The following ADAMTS16 variants were observed in gnomAD, a reference collection of about 807,000 sequenced individuals.
ADAMTS16 encodes the protein ADAM metallopeptidase with thrombospondin type 1 motif 16.
A neutral mutation model predicts 145.8 loss-of-function variants in ADAMTS16; 94 were observed. The observed-to-expected ratio is 0.64, with a 90% CI of 0.55 to 0.77. The LOEUF (loss-of-function observed/expected upper bound fraction) is 0.77. Among genes scored for constraint, ADAMTS16 ranks in the 30% least tolerant of loss-of-function variants. ADAMTS16 has a pLI of 0.00. For missense variants in ADAMTS16, 1,585 were observed against 1,591.5 expected (o/e 1.00, Z 0.07); for synonymous variants, 659 against 604.3 (o/e 1.09, Z -1.33).
chr5:5,281,467 TTATAAG>T (rs1012539328), intron 18 of ADAMTS16, among the ~76,000 whole-genome samples: 21 of 152,340 alleles, frequency 1.4e-4, no homozygotes, highest in South Asian at 6.2e-4. Context: ...ATTAAAAACT[TTATAAG>T]TATATCATGT....
At chr5:5,216,833 A>G (rs1736453798) in intron 10 of ADAMTS16, among the ~76,000 whole-genome samples, 2 of 134,346 alleles carry the variant, frequency 1.5e-5, no homozygotes, top group African/African-American at 2.9e-5. Context: ...TTCAATTCCC[A>G]CCTATGAGTG....
chr5:5,306,684 G>C lies in ADAMTS16; in HGVS notation c.3367G>C (p.Ala1123Pro), dbSNP rs1207923475. Residue 1123 changes from alanine (A) to proline (P), a missense_variant, in exon 21 of 23, where the codon GCG (alanine) becomes CCG (proline). Coordinates refer to ENST00000274181, the MANE Select transcript of ADAMTS16 (RefSeq NM_139056.4). ...CCCCAGGCACCCCCCATTTGCTGCT[G>C]CGGGACCCTCGAGGGGCAGCTGGTT... ...PCPRHPPFAA[A>P]GPSRGSWFAS... The C allele has an allele frequency of 4.3e-6, 7 of 1,613,772 alleles. No homozygotes were observed. The highest frequency in any genetic ancestry group is 5.1e-6 in the Non-Finnish European group (6 of 1,179,944).
At position 5,306,640 on chromosome 5, in the gene ADAMTS16, C is replaced by T; in HGVS notation, c.3323C>T (p.Ala1108Val). ...AAGCCCAGCCTGGAGCTGGAACGTG[C>T]CTGCGCCCCGCTTCCATGCCCCAGG... ...LPKPSLELER[A>V]CAPLPCPRHP... Residue 1108 changes from alanine to valine, a missense_variant, in exon 21 of 23, where the codon GCC (alanine) becomes GTC (valine). Coordinates refer to ENST00000274181, the MANE Select transcript of ADAMTS16 (RefSeq NM_139056.4). 6.2e-7 allele frequency: 1 copy of T among 1,614,182 alleles called. No individual in the cohort carries two copies. Among genetic ancestry groups the T allele is most frequent in the Middle Eastern group, 1.7e-4 (1 of 6,058 alleles).
At chr5:5,221,231 G>A (rs560813426) in intron 10 of ADAMTS16, among the ~76,000 whole-genome samples, 2 of 152,170 alleles carry the variant, frequency 1.3e-5, no homozygotes, top group East Asian at 1.9e-4. Context: ...TGAATTCATG[G>A]GTTCCTTGGG....
rs1579300237 is a variant in ADAMTS16 at position 5,191,806 on chromosome 5, T to C, written c.1313+16T>C. 6.3e-7 allele frequency: 1 copy of C among 1,580,466 alleles called. No individual in the cohort carries two copies. The highest frequency in any genetic ancestry group is 8.6e-7 in the Non-Finnish European group (1 of 1,159,744). Reference sequence around the variant, plus strand: ...CTGGACACAAGTAAGTGCATCTCCATGGGAGGATGGCATCCCGAGTTTTTT... The same window carrying C: ...CTGGACACAAGTAAGTGCATCTCCACGGGAGGATGGCATCCCGAGTTTTTT... On this transcript the variant is annotated intron_variant, in intron 8 of 22. Transcript: ENST00000274181.
chr5:5,162,739 A>AGAGAG (rs1734773863), intron 3 of ADAMTS16, among the ~76,000 whole-genome samples: 1 of 121,956 alleles, frequency 8.2e-6, no homozygotes, highest in African/African-American at 3.3e-5. Context: ...AAAAAGAGAG[A>AGAGAG]GAGAGGAGAA....
chr5:5,305,321 C>T (rs1190939052), intron 20 of ADAMTS16, among the ~76,000 whole-genome samples: 2 of 82,970 alleles, frequency 2.4e-5, no homozygotes, highest in African/African-American at 9.3e-5. Context: ...ACACCACACA[C>T]ACACATCCAC....
chr5:5,290,358 A>G (rs1739260507), intron 18 of ADAMTS16, among the ~76,000 whole-genome samples: 1 of 152,202 alleles, frequency 6.6e-6, no homozygotes, highest in Non-Finnish European at 1.5e-5. Context: ...GGGAATGTTA[A>G]TAAGGTGTTG....
rs768425667 is a variant in ADAMTS16, at chr5:5,234,994, C to CTTCAAAATA, written c.1851-19_1851-11dup. ...AGCTACTAAAATATAAAAATTCTAA[C>CTTCAAAATA]TTCAAAATACACATTCCAGGCCATC... On this transcript the variant is annotated intron_variant, in intron 12 of 22. Coordinates refer to ENST00000274181, the MANE Select transcript of ADAMTS16 (RefSeq NM_139056.4). The CTTCAAAATA allele has an allele frequency of 1.3e-6, 2 of 1,505,982 alleles. No homozygotes were observed. The highest frequency in any genetic ancestry group is 1.8e-6 in the Non-Finnish European group (2 of 1,116,344). The allele number at this position is 1,505,982 out of a possible 1,614,324, so 93.3% of individuals were successfully genotyped here. A position where few individuals can be genotyped will look rare whatever the true frequency, so the allele number is the denominator to read the frequency against.
At chr5:5,161,191 T>C (rs1223600677) in intron 3 of ADAMTS16, among the ~76,000 whole-genome samples, 1 of 152,214 alleles carries the variant, frequency 6.6e-6, no homozygotes. Context: ...CGTTTTGACA[T>C]TGTATCACAT....
At chr5:5,226,646 C>T (rs1168708026) in intron 11 of ADAMTS16, among the ~76,000 whole-genome samples, 3 of 152,124 alleles carry the variant, frequency 2.0e-5, no homozygotes, top group Non-Finnish European at 4.4e-5. Flanking sequence ...GTGTGGCCAG[C>T]GGTCAGTATC....
chr5:5,169,176 G>A (rs1734979596), intron 3 of ADAMTS16, among the ~76,000 whole-genome samples: 1 of 152,156 alleles, frequency 6.6e-6, no homozygotes, highest in Non-Finnish European at 1.5e-5. Flanking sequence ...ATGAAATGCA[G>A]TTCCTTGCAT....
chr5:5,182,330 GTATTTA>G, intron 4 of ADAMTS16, 25 bp downstream of exon 4: 1 of 1,594,302 alleles, frequency 6.3e-7, no homozygotes. Context: ...ATCTTTGTGT[GTATTTA>G]GTGATGCTGA....
In ADAMTS16 at chr5:5,319,291, G is replaced by A. The variant is rs1734188171; in HGVS notation, c.*153G>A. ...GCTCTTTGACCAGGAGTGTATGTAT[G>A]TGTTTCACTGTGAGCCTGGGTGCAG... is the stretch of plus-strand genomic sequence containing the variant. On this transcript the variant is annotated 3_prime_UTR_variant, in exon 23 of 23. Transcript: ENST00000274181. The A allele has an allele frequency of 1.6e-6, 1 of 636,706 alleles. No homozygotes were observed. Among genetic ancestry groups the A allele is most frequent in the African/African-American group, 1.8e-5 (1 of 55,338 alleles). The allele number at this position is 636,706 out of a possible 1,614,324, so 39.4% of individuals were successfully genotyped here.
chr5:5,209,786 T>C (rs986994898), intron 10 of ADAMTS16, among the ~76,000 whole-genome samples: 1 of 152,148 alleles, frequency 6.6e-6, no homozygotes, highest in African/African-American at 2.4e-5. Context: ...CAGAGACATA[T>C]GCTCTTGCTA....
Position 5,319,174 on chromosome 5 carries a change from C to G in ADAMTS16, c.*36C>G. Reference sequence around the variant, plus strand: ...CTCTCCGTAGCAGAGAAAGTGCCTGCGTGGCACAGAAATTTCCCACAAATG... The same window carrying G: ...CTCTCCGTAGCAGAGAAAGTGCCTGGGTGGCACAGAAATTTCCCACAAATG... On this transcript the variant is annotated 3_prime_UTR_variant, in exon 23 of 23. Transcript: ENST00000274181. 1.4e-6 allele frequency: 2 copies of G among 1,478,336 alleles called. No individual in the cohort carries two copies. Among genetic ancestry groups the G allele is most frequent in the Non-Finnish European group, 1.9e-6 (2 of 1,070,946 alleles). 91.6% of individuals were successfully genotyped at this position (1,478,336 alleles called of 1,614,324 possible). A position where few individuals can be genotyped will look rare whatever the true frequency, so the allele number is the denominator to read the frequency against.
At chr5:5,187,870 CT>C in intron 6 of ADAMTS16, 62 bp downstream of exon 6, 1 of 1,158,458 alleles carries the variant, frequency 8.6e-7, no homozygotes, top group South Asian at 1.3e-5. Context: ...CAAAATAATG[CT>C]TTTTTCTTTA....
chr5:5,140,349 C>A lies in ADAMTS16; in HGVS notation c.-119C>A. 3.9e-6 allele frequency: 4 copies of A among 1,014,874 alleles called. No individual in the cohort carries two copies. Among genetic ancestry groups the A allele is most frequent in the Non-Finnish European group, 1.3e-6 (1 of 748,138 alleles). The allele number at this position is 1,014,874 out of a possible 1,614,324, so 62.9% of individuals were successfully genotyped here. On this transcript the variant is annotated 5_prime_UTR_variant, in exon 1 of 23. Coordinates refer to ENST00000274181, the MANE Select transcript of ADAMTS16 (RefSeq NM_139056.4). ...AGCTTCAGTAATAACCCCGGCGCGG[C>A]GGCGGAGTCGCTGTGGGGAATCCTC... is the stretch of plus-strand genomic sequence containing the variant.
chr5:5,194,739 CA>C (rs1293706852), intron 8 of ADAMTS16, among the ~76,000 whole-genome samples: 1 of 152,148 alleles, frequency 6.6e-6, no homozygotes, highest in Non-Finnish European at 1.5e-5. Context: ...AAGTTTGATG[CA>C]TGGAGCAAAC....
Sources: gnomAD v4.1 joint callset for allele counts (sites outside exome capture counted in the v4.1 genomes callset) on GRCh38, gnomAD v4.1.1 for gene constraint, MANE v1.5 for transcripts, NCBI Gene and HGNC (gene_info 2026-07-23, HGNC 2026-07-21) for gene names.